The following CD96 variants were observed in gnomAD, a reference collection of about 807,000 sequenced individuals.
CD96 encodes CD96 molecule.
Under a neutral mutation model 71.3 loss-of-function variants are expected in CD96, and 70 were observed. The ratio of observed to expected loss-of-function variants is 0.98; its 90% CI spans 0.81 to 1.20. The LOEUF is 1.20. Among genes scored for constraint, CD96 ranks in the 50% most tolerant of loss-of-function variants. CD96 has a pLI of 0.00. For missense variants in CD96, 742 were observed against 677.5 expected (o/e 1.10, Z -1.06); for synonymous variants, 248 against 233.0 (o/e 1.06, Z -0.59).
intron 2 of CD96, among the ~76,000 whole-genome samples, chr3:111,554,610 T>A (rs1055347347): frequency 1.3e-5 from 2 of 152,000 alleles, no homozygotes; most frequent in African/African-American, 4.8e-5. Context: ...TATATAATAA[T>A]ATATGTATTA....
chr3:111,596,506 A>G (rs900386510), intron 5 of CD96, among the ~76,000 whole-genome samples: 1 of 152,218 alleles, frequency 6.6e-6, no homozygotes, highest in Non-Finnish European at 1.5e-5. Flanking sequence ...TCGTAAAATA[A>G]TAACACCCCC....
At chr3:111,542,370 T>G (rs901702995) in intron 1 of CD96, 61 bp downstream of exon 1, 2 of 952,258 alleles carry the variant, frequency 2.1e-6, no homozygotes, top group East Asian at 2.6e-5. Flanking sequence ...ATGGGGCCTC[T>G]GTTCATTTAA....
At chr3:111,625,240 G>A (rs138282406) in intron 10 of CD96, among the ~76,000 whole-genome samples, 77 of 152,284 alleles carry the variant, frequency 5.1e-4, no homozygotes, top group Middle Eastern at 3.4e-3. Flanking sequence ...GCTCTTTGTA[G>A]CATTGTTTAT....
At chr3:111,585,123 T>C (rs1349584898) in intron 4 of CD96, among the ~76,000 whole-genome samples, 200 bp from the exon 5 acceptor site, 3 of 152,182 alleles carry the variant, frequency 2.0e-5, no homozygotes, top group African/African-American at 7.2e-5. Context: ...TGAATATTAT[T>C]TGTCCACATT....
chr3:111,629,150 T>C (rs1938933326), intron 10 of CD96, among the ~76,000 whole-genome samples: 1 of 152,116 alleles, frequency 6.6e-6, no homozygotes, highest in Admixed American at 6.6e-5. Flanking sequence ...CAGGATCAAA[T>C]CCACACACAG....
chr3:111,628,023 A>T (rs956583630), intron 10 of CD96, among the ~76,000 whole-genome samples: 12 of 152,232 alleles, frequency 7.9e-5, no homozygotes, highest in Non-Finnish European at 1.5e-4. Context: ...AAAGGCAGAT[A>T]AGCCCACAAA....
At position 111,629,401 on chromosome 3, in the gene CD96, T is replaced by TA. The variant is rs547640773; in HGVS notation, c.1321+5007dup. ...AAAGCATACTTTAAACCAACAAAGA[T>TA]AAAAAAAAAAGACAAAGAAGAGCAT... On this transcript the variant is annotated intron_variant, in intron 10 of 13. Coordinates refer to ENST00000352690, the MANE Select transcript of CD96 (RefSeq NM_005816.5). Among the ~76,000 whole-genome samples, 508 of 145,718 alleles carry TA rather than the reference T, an allele frequency of 3.5e-3. 1 individual carries two copies. Among genetic ancestry groups the TA allele is most frequent in the African/African-American group, 4.3e-3 (169 of 39,688 alleles).
At chr3:111,640,762 A>C (rs1939552719) in intron 12 of CD96, among the ~76,000 whole-genome samples, 1 of 152,234 alleles carries the variant, frequency 6.6e-6, no homozygotes, top group Non-Finnish European at 1.5e-5. Context: ...CCTATAGAGG[A>C]AAATCTATCA....
At chr3:111,583,944 G>T (rs113524867) in intron 4 of CD96, among the ~76,000 whole-genome samples, 1 of 152,070 alleles carries the variant, frequency 6.6e-6, no homozygotes, top group African/African-American at 2.4e-5. Context: ...TGCAAATTTC[G>T]GCAGCCAGCT....
intron 5 of CD96, chr3:111,592,859 T>G (rs994545636): frequency 7.9e-5 from 12 of 152,376 alleles, no homozygotes; most frequent in African/African-American, 2.9e-4. Flanking sequence ...TTAATTAGTT[T>G]AAGCATTAGG....
intron 12 of CD96, among the ~76,000 whole-genome samples, chr3:111,646,569 G>T (rs933216578): frequency 2.6e-5 from 4 of 151,658 alleles, no homozygotes; most frequent in Non-Finnish European, 4.4e-5. Flanking sequence ...AGAAACTGAT[G>T]CAGGTGAGGA....
At chr3:111,645,383 G>A (rs1239871748) in intron 12 of CD96, among the ~76,000 whole-genome samples, 1 of 152,088 alleles carries the variant, frequency 6.6e-6, no homozygotes, top group Admixed American at 6.6e-5. Context: ...AAGAATGAGA[G>A]GGGGCGAGGG....
intron 3 of CD96, among the ~76,000 whole-genome samples, chr3:111,575,495 T>C (rs1936181454): frequency 1.3e-5 from 2 of 152,248 alleles, no homozygotes; most frequent in Non-Finnish European, 2.9e-5. Flanking sequence ...TTGTTGTTCA[T>C]GGCCATTGTG....
At chr3:111,620,329 T>C (rs1938458093) in intron 8 of CD96, among the ~76,000 whole-genome samples, 1 of 152,086 alleles carries the variant, frequency 6.6e-6, no homozygotes, top group South Asian at 2.1e-4. Context: ...CTCTCAAATG[T>C]TGGTTAAACA....
At chr3:111,619,414 C>G (rs1049717517) in intron 8 of CD96, among the ~76,000 whole-genome samples, 1 of 152,172 alleles carries the variant, frequency 6.6e-6, no homozygotes, top group Non-Finnish European at 1.5e-5. Flanking sequence ...TAAATTTCAT[C>G]TTATTTCCTG....
At chr3:111,607,965 G>A (rs532101052) in intron 8 of CD96, among the ~76,000 whole-genome samples, 4 of 152,244 alleles carry the variant, frequency 2.6e-5, no homozygotes, top group East Asian at 1.9e-4. Context: ...CTGTGTATTA[G>A]TTATCCATTG....
chr3:111,637,074 T>A (rs1480278094), intron 10 of CD96, 122 bp from the exon 11 acceptor site: 2 of 705,534 alleles, frequency 2.8e-6, no homozygotes, highest in Non-Finnish European at 5.2e-6. Flanking sequence ...TGGAACAGTT[T>A]AATGATTTTG....
chr3:111,595,128 T>C (rs2107633805), intron 5 of CD96: 1 of 166,310 alleles, frequency 6.0e-6, no homozygotes, highest in African/African-American at 2.4e-5. Flanking sequence ...TTTTGCTCTT[T>C]ACCTCATTTT....
chr3:111,617,610 A>T (rs1938308985), intron 8 of CD96, among the ~76,000 whole-genome samples: 1 of 152,128 alleles, frequency 6.6e-6, no homozygotes, highest in Admixed American at 6.5e-5. Flanking sequence ...ACTCATTGGG[A>T]CAGCCTGCAT....
Sources: gnomAD v4.1 joint callset for allele counts (sites outside exome capture counted in the v4.1 genomes callset) on GRCh38, gnomAD v4.1.1 for gene constraint, MANE v1.5 for transcripts, NCBI Gene and HGNC (gene_info 2026-07-23, HGNC 2026-07-21) for gene names.